PCYOX1: variants seen among roughly 807,000 people sequenced by gnomAD.
PCYOX1 encodes the protein prenylcysteine lyase.
A neutral mutation model predicts 46.4 loss-of-function variants in PCYOX1; 46 were observed. That is an observed-to-expected ratio of 0.99 (90% CI 0.78 to 1.27). PCYOX1 has a LOEUF of 1.27. PCYOX1 is among the 50% of genes most tolerant of loss of function. The pLI is 0.00. For synonymous variants in PCYOX1, 220 were observed against 231.8 expected (o/e 0.95, Z 0.46); for missense variants, 658 against 628.3 (o/e 1.05, Z -0.51).
Position 70,275,513 on chromosome 2 carries a change from G to C in PCYOX1, c.707-1G>C. 1 of 1,612,258 alleles carries C rather than the reference G, an allele frequency of 6.2e-7. No individual in the cohort carries two copies. Among genetic ancestry groups the C allele is most frequent in the South Asian group, 1.1e-5 (1 of 90,928 alleles). ...AAACACATTTTTCCTCCTATTGACA[G>C]GGGCGGTGTCACTGTCCTGTTCTGA... is the stretch of plus-strand genomic sequence containing the variant. On this transcript the variant is annotated splice_acceptor_variant, in intron 4 of 5. Coordinates refer to ENST00000433351, the MANE Select transcript of PCYOX1 (RefSeq NM_016297.4). LOFTEE classifies it high-confidence loss of function.
intron 5 of PCYOX1, among the ~76,000 whole-genome samples, chr2:70,276,530 T>G (rs1696674668): frequency 1.3e-5 from 2 of 152,184 alleles, no homozygotes; most frequent in South Asian, 4.1e-4. Context: ...CCTTCAAAAG[T>G]AAAAATTCTG....
rs1696759611 is a variant in PCYOX1, at chr2:70,280,609, A to G, written c.*3217A>G. On this transcript the variant is annotated 3_prime_UTR_variant, in exon 6 of 6. Transcript: ENST00000433351. ...CCACACTTGAAGAACTAGTTCTACA[A>G]TTCAGCTGTATGTTGTAAAGGAGTC... The G allele has an allele frequency of 6.6e-6, 1 of 152,262 alleles. No individual in the cohort carries two copies. The highest frequency in any genetic ancestry group is 2.4e-5 in the African/African-American group (1 of 41,476). 9.4% of individuals were successfully genotyped at this position (152,262 alleles called of 1,614,324 possible). A position where few individuals can be genotyped will look rare whatever the true frequency, so the allele number is the denominator to read the frequency against.
chr2:70,264,490 A>G lies in PCYOX1; in HGVS notation c.494+3104A>G, dbSNP rs965743927. Among the ~76,000 whole-genome samples, 188 of 151,420 alleles carry G rather than the reference A, an allele frequency of 1.2e-3. 2 individuals are homozygous for G. Among genetic ancestry groups the G allele is most frequent in the Non-Finnish European group, 3.1e-4 (21 of 67,820 alleles). ...TACAGGCATGTGCCACCATACCCAG[A>G]TAATTTTTTTATTTTTAGTAGAGAT... On this transcript the variant is annotated intron_variant, in intron 3 of 5. Coordinates refer to ENST00000433351, the MANE Select transcript of PCYOX1 (RefSeq NM_016297.4).
chr2:70,277,023 T>G lies in PCYOX1; in HGVS notation c.1149T>G (p.Ile383Met), dbSNP rs1696681396. The change falls in exon 6 of 6, where the codon ATT becomes ATG. Residue 383 changes from isoleucine (I) to methionine (M), a missense_variant. Coordinates refer to ENST00000433351, the MANE Select transcript of PCYOX1 (RefSeq NM_016297.4). Reference protein sequence around the residue: ...TDNSDLFINSIGIVPSVREKE... With the variant: ...TDNSDLFINSMGIVPSVREKE... ...ATTCAGATTTGTTCATTAACAGTAT[T>G]GGGATTGTGCCCTCTGTGAGAGAAA... 1 of 1,613,916 alleles carries G rather than the reference T, an allele frequency of 6.2e-7. No homozygotes were observed.
intron 3 of PCYOX1, among the ~76,000 whole-genome samples, chr2:70,262,784 A>G (rs1696460101): frequency 1.3e-5 from 2 of 152,260 alleles, no homozygotes; most frequent in Admixed American, 1.3e-4. Flanking sequence ...CGGCTAGCAC[A>G]TGCTAATTTT....
chr2:70,270,919 G>A (rs1297635935), intron 3 of PCYOX1, among the ~76,000 whole-genome samples: 1 of 152,118 alleles, frequency 6.6e-6, no homozygotes, highest in Non-Finnish European at 1.5e-5. Context: ...TAGAGACAGG[G>A]TTTCTCCATG....
At position 70,277,035 on chromosome 2, in the gene PCYOX1, C is replaced by T. The variant is rs780923578; in HGVS notation, c.1161C>T (p.Pro387=). 36 of 1,613,790 alleles carry T rather than the reference C, an allele frequency of 2.2e-5. No homozygotes were observed. Among genetic ancestry groups the T allele is most frequent in the Non-Finnish European group, 3.1e-5 (36 of 1,179,728 alleles). The change falls in exon 6 of 6, where the codon CCC becomes CCT. Residue 387 remains proline (P), a synonymous_variant. Transcript: ENST00000433351. ...DLFINSIGIV[P]SVREKEDPEP... Reference sequence around the variant, plus strand: ...TCATTAACAGTATTGGGATTGTGCCCTCTGTGAGAGAAAAGGAAGATCCTG... The same window carrying T: ...TCATTAACAGTATTGGGATTGTGCCTTCTGTGAGAGAAAAGGAAGATCCTG...
chr2:70,266,447 C>T (rs1267019562), intron 3 of PCYOX1, among the ~76,000 whole-genome samples: 1 of 151,784 alleles, frequency 6.6e-6, no homozygotes, highest in Non-Finnish European at 1.5e-5. Flanking sequence ...ATTTACAGAA[C>T]CGTAAGATTA....
Position 70,262,524 on chromosome 2 carries a change from G to C in PCYOX1, c.494+1138G>C, listed in dbSNP as rs1696455720. On this transcript the variant is annotated intron_variant, in intron 3 of 5. Transcript: ENST00000433351. ...AGATGGAGTTTTGCTCTGTCGCCCG[G>C]GCTGGAGTGCAGTGGCACCATCTCG... 2.0e-5 allele frequency among the ~76,000 whole-genome samples: 3 copies of C among 147,426 alleles called. No individual in the cohort carries two copies. In the Admixed American group the frequency reaches 2.1e-4, roughly 10 times the overall value.
chr2:70,269,158 G>C (rs982308411), intron 3 of PCYOX1, among the ~76,000 whole-genome samples: 3 of 142,168 alleles, frequency 2.1e-5, no homozygotes, highest in Admixed American at 7.0e-5. Flanking sequence ...TTTCTTATTT[G>C]TTTCAAGGAT....
In PCYOX1 at chr2:70,261,281, A is replaced by T; in HGVS notation, c.389A>T (p.Glu130Val). 6.2e-7 allele frequency: 1 copy of T among 1,610,244 alleles called. No individual in the cohort carries two copies. The highest frequency in any genetic ancestry group is 1.1e-5 in the South Asian group (1 of 91,004). Residue 130 changes from glutamate to valine, a missense_variant, in exon 3 of 6, where the codon GAG (glutamate) becomes GTG (valine). Glu to Val is a moderately radical substitution (Grantham distance 121). Coordinates refer to ENST00000433351, the MANE Select transcript of PCYOX1 (RefSeq NM_016297.4). ...AATGGAGAGACTCTGGTATTTGAGG[A>T]GAGCAACTGGTTCATAATTAACGTG... The part of the protein sequence containing the change: ...IYNGETLVFE[E>V]SNWFIINVIK...
At chr2:70,258,682 C>A (rs919179694) in intron 1 of PCYOX1, among the ~76,000 whole-genome samples, 1 of 152,214 alleles carries the variant, frequency 6.6e-6, no homozygotes, top group Non-Finnish European at 1.5e-5. Context: ...AACAGGCTCA[C>A]GCAGGCACAG....
Position 70,272,125 on chromosome 2 carries a change from A to ATTT in PCYOX1, c.495-2817_495-2815dup, listed in dbSNP as rs553647193. 1.7e-3 allele frequency among the ~76,000 whole-genome samples: 228 copies of ATTT among 133,620 alleles called. 2 individuals are homozygous for ATTT. Among genetic ancestry groups the ATTT allele is most frequent in the African/African-American group, 5.4e-3 (195 of 36,390 alleles). The allele number at this position is 133,620 out of a possible 152,430, so 87.7% of individuals were successfully genotyped here. A position where few individuals can be genotyped will look rare whatever the true frequency, so the allele number is the denominator to read the frequency against. ...TATATAGGAGCCTGGCTAATTTTTA[A>ATTT]TTTTTTTTTTTTTTTTTTTGAGAGG... On this transcript the variant is annotated intron_variant, in intron 3 of 5. Coordinates refer to ENST00000433351, the MANE Select transcript of PCYOX1 (RefSeq NM_016297.4).
intron 3 of PCYOX1, among the ~76,000 whole-genome samples, chr2:70,263,230 T>TA (rs200696905): frequency 0.46 from 65,653 of 142,504 alleles, 17,255 homozygotes; most frequent in Middle Eastern, 0.63. Flanking sequence ...CCAGACTGTC[T>TA]AAAAAAAAAA....
intron 3 of PCYOX1, among the ~76,000 whole-genome samples, chr2:70,262,809 G>C (rs1014997926): frequency 5.3e-5 from 8 of 152,134 alleles, no homozygotes; most frequent in African/African-American, 1.9e-4. Flanking sequence ...CTGCTTTACA[G>C]TTTTAGGTAC....
rs781390669 is a variant in PCYOX1, at chr2:70,277,429, G to C, written c.*37G>C. The C allele has an allele frequency of 6.7e-7, 1 of 1,492,154 alleles. No homozygotes were observed. The highest frequency in any genetic ancestry group is 9.1e-7 in the Non-Finnish European group (1 of 1,100,596). The allele number at this position is 1,492,154 out of a possible 1,614,324, so 92.4% of individuals were successfully genotyped here. On this transcript the variant is annotated 3_prime_UTR_variant, in exon 6 of 6. Coordinates refer to ENST00000433351, the MANE Select transcript of PCYOX1 (RefSeq NM_016297.4). Reference sequence around the variant, plus strand: ...CCTTTTTCCCCTCCTAGTTCCAAATGACTATCAGTGGCAAAAAAGAACAAA... The same window carrying C: ...CCTTTTTCCCCTCCTAGTTCCAAATCACTATCAGTGGCAAAAAAGAACAAA...
chr2:70,275,592 T>A lies in PCYOX1; in HGVS notation c.785T>A (p.Leu262Gln), dbSNP rs750119068. 5.6e-6 allele frequency: 9 copies of A among 1,614,070 alleles called. No individual in the cohort carries two copies. The East Asian group carries it at 2.0e-4, about 36-fold the overall frequency. Reference sequence around the variant, plus strand: ...AATAAACTTGTTTGCTCAGGGCTTCTGCAGGCATCCAAAAGCAATCTTATA... The same window carrying A: ...AATAAACTTGTTTGCTCAGGGCTTCAGCAGGCATCCAAAAGCAATCTTATA... ...GGNKLVCSGL[L>Q]QASKSNLISG... The change falls in exon 5 of 6, where the codon CTG (leucine) becomes CAG (glutamine). Residue 262 changes from leucine (L) to glutamine (Q), a missense_variant. By Grantham distance (113) the Leu-to-Gln change is moderately radical (BLOSUM62 -2). Transcript: ENST00000433351.
intron 3 of PCYOX1, among the ~76,000 whole-genome samples, chr2:70,273,266 T>A (rs1199389333): frequency 6.6e-6 from 1 of 152,202 alleles, no homozygotes; most frequent in African/African-American, 2.4e-5. Context: ...GGCTATTATT[T>A]TTCTGAAGAA....
At chr2:70,276,538 C>G (rs928407925) in intron 5 of PCYOX1, among the ~76,000 whole-genome samples, 196 bp from the exon 6 acceptor site, 5 of 152,128 alleles carry the variant, frequency 3.3e-5, no homozygotes, top group African/African-American at 4.8e-5. Flanking sequence ...AGTAAAAATT[C>G]TGTATTTTGT....
Sources: gnomAD v4.1 joint callset for allele counts (sites outside exome capture counted in the v4.1 genomes callset) on GRCh38, gnomAD v4.1.1 for gene constraint, MANE v1.5 for transcripts, NCBI Gene and HGNC (gene_info 2026-07-23, HGNC 2026-07-21) for gene names.